The following RRBP1 variants were observed in gnomAD, a reference collection of about 807,000 sequenced individuals.
RRBP1 encodes ribosome binding protein 1, also known as ribosome-binding protein 1.
Under a neutral mutation model 165.2 loss-of-function variants are expected in RRBP1, and 94 were observed. The ratio of observed to expected loss-of-function variants is 0.57; its 90% CI spans 0.48 to 0.68. RRBP1 has a LOEUF of 0.68. RRBP1 is among the 30% of genes least tolerant of loss of function. The pLI, the probability that RRBP1 is intolerant of heterozygous loss-of-function variation, is 0.00. For missense variants in RRBP1, 1,676 were observed against 1,763.0 expected, an observed-to-expected ratio of 0.95 and a Z score of 0.88; for synonymous variants, 680 against 714.5, an observed-to-expected ratio of 0.95 and a Z score of 0.77.
chr20:17,639,410 C>A (rs6044927), intron 5 of RRBP1, among the ~76,000 whole-genome samples: 9,071 of 152,232 alleles, frequency 0.06, 800 homozygotes, highest in African/African-American at 0.2. Flanking sequence ...AAACCCTTTT[C>A]AACTATAAAA....
chr20:17,664,329 C>T (rs1424068036), intron 2 of RRBP1, among the ~76,000 whole-genome samples: 1 of 152,202 alleles, frequency 6.6e-6, no homozygotes, highest in African/African-American at 2.4e-5. Flanking sequence ...TGGCATGCAA[C>T]TTAAAACTCA....
intron 3 of RRBP1, among the ~76,000 whole-genome samples, chr20:17,647,430 T>A (rs919053645): frequency 3.3e-5 from 5 of 152,246 alleles, no homozygotes; most frequent in Admixed American, 1.3e-4. Flanking sequence ...CAAGTCTTCA[T>A]AGGCCCTGGG....
In RRBP1 at chr20:17,627,391, A is replaced by G. The variant is rs1267120845; in HGVS notation, c.2929-9T>C. 6 of 1,613,950 alleles carry G rather than the reference A, an allele frequency of 3.7e-6. No individual in the cohort carries two copies. Among genetic ancestry groups the G allele is most frequent in the Non-Finnish European group, 5.1e-6 (6 of 1,179,920 alleles). On this transcript the variant is annotated splice_polypyrimidine_tract_variant and intron_variant, in intron 10 of 24. Transcript: ENST00000377813. ...GCCTCCGCCTGGCTGGCCTGGAATG[A>G]GAGACAAAAGCTCCTTGGTCTCCAG... is the stretch of plus-strand genomic sequence containing the variant.
chr20:17,658,785 T>TCCCCA lies in RRBP1; in HGVS notation c.1722_1723insTGGGG (p.Ser575TrpfsTer126). 1 of 1,614,070 alleles carries TCCCCA rather than the reference T, an allele frequency of 6.2e-7. No homozygotes were observed. Among genetic ancestry groups the TCCCCA allele is most frequent in the Non-Finnish European group, 8.5e-7 (1 of 1,179,948 alleles). On this transcript the variant is annotated frameshift_variant, in exon 3 of 25. Transcript: ENST00000377813. LOFTEE classifies it high-confidence loss of function. ...GACCCTTCTGCCTTTTTGCCTTCAC[T>TCCCCA]GGGGGACCCTTCTGCTTTTTTCCCC... is the stretch of plus-strand genomic sequence containing the variant.
At position 17,637,951 on chromosome 20, in the gene RRBP1, C is replaced by G. The variant is rs568951685; in HGVS notation, c.2185-1222G>C. 2.1e-3 allele frequency among the ~76,000 whole-genome samples: 326 copies of G among 152,292 alleles called. 1 individual carries two copies. The highest frequency in any genetic ancestry group is 7.6e-3 in the African/African-American group (316 of 41,558). On this transcript the variant is annotated intron_variant, in intron 5 of 24. Transcript: ENST00000377813. ...ACAATCCCCATCCAAGCTGAGGTCA[C>G]AGAGCCTTGGAGAGGACACACTTGT...
At chr20:17,677,921 G>T (rs1487180140) in intron 2 of RRBP1, among the ~76,000 whole-genome samples, 1 of 152,184 alleles carries the variant, frequency 6.6e-6, no homozygotes, top group East Asian at 1.9e-4. Context: ...GGTGTAGGAA[G>T]CAATTTATGC....
intron 1 of RRBP1, among the ~76,000 whole-genome samples, chr20:17,680,966 C>T (rs1000969630): frequency 8.5e-5 from 13 of 152,142 alleles, no homozygotes; most frequent in Admixed American, 5.9e-4. Flanking sequence ...CCCTCGCCAG[C>T]CGGGGCACTC....
chr20:17,679,867 C>A (rs921752703), intron 2 of RRBP1, 132 bp downstream of exon 2: 5 of 82,200 alleles, frequency 6.1e-5, no homozygotes, highest in Non-Finnish European at 1.8e-4. Context: ...GAGCTCTAAA[C>A]CCTCTCCTAA....
intron 2 of RRBP1, among the ~76,000 whole-genome samples, chr20:17,667,800 A>G (rs1432473444): frequency 1.3e-5 from 2 of 152,226 alleles, no homozygotes; most frequent in African/African-American, 4.8e-5. Context: ...GCCAAAGTAC[A>G]TCCTTGAGTA....
At chr20:17,648,853 C>T (rs546138943) in intron 3 of RRBP1, among the ~76,000 whole-genome samples, 1 of 152,324 alleles carries the variant, frequency 6.6e-6, no homozygotes, top group Non-Finnish European at 1.5e-5. Flanking sequence ...CCAAGGCACA[C>T]AGGCTGGCCC....
intron 23 of RRBP1, 62 bp downstream of exon 23, chr20:17,615,369 A>G (rs928013267): frequency 3.7e-6 from 5 of 1,363,726 alleles, no homozygotes; most frequent in African/African-American, 3.0e-5. Context: ...TCCGAGGCCA[A>G]GAGTGGCGCC....
At position 17,658,716 on chromosome 20, in the gene RRBP1, T is replaced by C. The variant is rs772401446; in HGVS notation, c.1792A>G (p.Lys598Glu). ...TGGACAGAAGCTGACTCTGTCTTTT[T>C]ACCCTGATTGGCAGCTGCGTCTGCC... Reference protein sequence around the residue: ...KKADAAANQGKKTESASVQGR... With the variant: ...KKADAAANQGEKTESASVQGR... Residue 598 changes from lysine (K) to glutamate (E), a missense_variant, in exon 3 of 25, where the codon AAA becomes GAA. Around this residue, in one of 5 missense-constraint regions of RRBP1, gnomAD observed 1,184 missense variants for 1,167.1 expected, o/e 1.01. Transcript: ENST00000377813. 1.9e-6 allele frequency: 3 copies of C among 1,614,148 alleles called. No individual in the cohort carries two copies. In the African/African-American group the frequency reaches 4.0e-5, roughly 22 times the overall value.
At position 17,621,944 on chromosome 20, in the gene RRBP1, C is replaced by T; in HGVS notation, c.3151G>A (p.Glu1051Lys). ...ATCAGACAGAGCTGCTTCTCCGATT[C>T]CTCCTGGGGGGTGGGTGGGGAAGAG... The part of the protein sequence containing the change: ...KLLSLTQAKE[E>K]SEKQLCLIEA... The change falls in exon 14 of 25, where the codon GAA (glutamate) becomes AAA (lysine). Residue 1051 changes from glutamate (E) to lysine (K), a missense_variant. Glu to Lys is a moderately conservative substitution (Grantham distance 56). Coordinates refer to ENST00000377813, the MANE Select transcript of RRBP1 (RefSeq NM_001365613.2). 1 of 1,612,788 alleles carries T rather than the reference C, an allele frequency of 6.2e-7. No homozygotes were observed. Among genetic ancestry groups the T allele is most frequent in the Non-Finnish European group, 8.5e-7 (1 of 1,179,444 alleles).
At chr20:17,665,007 C>A (rs1280017528) in intron 2 of RRBP1, among the ~76,000 whole-genome samples, 1 of 152,142 alleles carries the variant, frequency 6.6e-6, no homozygotes, top group African/African-American at 2.4e-5. Context: ...ATATGAACAT[C>A]CATTAGCCTA....
chr20:17,643,100 T>G lies in RRBP1; in HGVS notation c.1940A>C (p.Tyr647Ser), dbSNP rs112642316. The change falls in exon 4 of 25, where the codon TAC (tyrosine) becomes TCC (serine). Residue 647 changes from tyrosine (Y) to serine (S), a missense_variant. Tyr to Ser is a moderately radical substitution (Grantham distance 144). Around this residue, in one of 5 missense-constraint regions of RRBP1, gnomAD observed 1,184 missense variants for 1,167.1 expected, o/e 1.01. Transcript: ENST00000377813. This position sits in a 1 kb window ranked among gnomAD's most constrained non-coding sequence, Gnocchi z 4.3. ...PGPPDADGPL[Y>S]LPYKTLVSTV... ...GGAGACCAGCGTCTTGTAGGGGAGG[T>G]AGAGAGGGCCGTCGGCATCTGGGGG... 4 of 1,612,992 alleles carry G rather than the reference T, an allele frequency of 2.5e-6. No individual in the cohort carries two copies. Among genetic ancestry groups the G allele is most frequent in the Non-Finnish European group, 2.5e-6 (3 of 1,179,784 alleles).
chr20:17,630,757 C>A (rs1476426595), intron 8 of RRBP1, among the ~76,000 whole-genome samples: 1 of 152,204 alleles, frequency 6.6e-6, no homozygotes, highest in African/African-American at 2.4e-5. Context: ...AAAGCCCGAC[C>A]ACTGATTATT....
chr20:17,658,099 C>T (rs1415091479), intron 3 of RRBP1, among the ~76,000 whole-genome samples: 2 of 152,108 alleles, frequency 1.3e-5, no homozygotes, highest in Non-Finnish European at 2.9e-5. Context: ...TAAGACATGC[C>T]AAGACACGGA....
At chr20:17,626,322 A>C (rs950806795) in intron 11 of RRBP1, among the ~76,000 whole-genome samples, 5 of 152,188 alleles carry the variant, frequency 3.3e-5, no homozygotes, top group Non-Finnish European at 5.9e-5. Flanking sequence ...TACCCCAACA[A>C]ACACCACCAG....
At position 17,614,216 on chromosome 20, in the gene RRBP1, T is replaced by TC; in HGVS notation, c.4198dup (p.Asp1400GlyfsTer35). 1 of 1,613,528 alleles carries TC rather than the reference T, an allele frequency of 6.2e-7. No individual in the cohort carries two copies. The highest frequency in any genetic ancestry group is 2.2e-5 in the East Asian group (1 of 44,872). ...GGTGCCCTCCTTTGAGCTGCTGCCG[T>TC]CCTCCTGTGAACGAAGGCAGGTGGC... On this transcript the variant is annotated frameshift_variant, in exon 25 of 25. Coordinates refer to ENST00000377813, the MANE Select transcript of RRBP1 (RefSeq NM_001365613.2). LOFTEE classifies it high-confidence loss of function.
Sources: allele counts gnomAD v4.1 joint callset (sites outside exome capture counted in the v4.1 genomes callset), GRCh38; gene constraint gnomAD v4.1.1; regional missense constraint gnomAD v4.1.1; non-coding constraint Gnocchi (gnomAD v3.1); transcripts MANE v1.5; gene names NCBI Gene and HGNC (gene_info 2026-07-23, HGNC 2026-07-21).